The following IBTK variants were observed in gnomAD, a reference collection of about 807,000 sequenced individuals.
IBTK encodes inhibitor of Bruton tyrosine kinase.
Under a neutral mutation model 154.9 loss-of-function variants are expected in IBTK, and 83 were observed. The observed-to-expected ratio is 0.54, with a 90% CI of 0.45 to 0.64. The LOEUF (loss-of-function observed/expected upper bound fraction) is 0.64, where lower values mean the gene tolerates loss of function less well. Among genes scored for constraint, IBTK ranks in the 30% least tolerant of loss-of-function variants. IBTK has a pLI of 0.00. For synonymous variants in IBTK, 515 were observed against 536.1 expected, an observed-to-expected ratio of 0.96 and a Z score of 0.54; for missense variants, 1,332 against 1,584.6, an observed-to-expected ratio of 0.84 and a Z score of 2.71.
intron 16 of IBTK, among the ~76,000 whole-genome samples, chr6:82,210,599 A>G (rs1185846617): frequency 6.6e-6 from 1 of 152,096 alleles, no homozygotes; most frequent in Admixed American, 6.5e-5. Context: ...CCGAGGTGGA[A>G]TAATCCCTTG....
In IBTK at chr6:82,227,311, A is replaced by G; in HGVS notation, c.544-9T>C. 1 of 1,491,904 alleles carries G rather than the reference A, an allele frequency of 6.7e-7. No individual in the cohort carries two copies. Among genetic ancestry groups the G allele is most frequent in the Non-Finnish European group, 9.2e-7 (1 of 1,087,438 alleles). The allele number at this position is 1,491,904 out of a possible 1,614,324, so 92.4% of individuals were successfully genotyped here. A position where few individuals can be genotyped will look rare whatever the true frequency, so the allele number is the denominator to read the frequency against. ...AATTTACAAAGCACCACCTAAGGGA[A>G]AACAAGAGAATATTATTAAACTTCT... On this transcript the variant is annotated splice_polypyrimidine_tract_variant and intron_variant, in intron 4 of 28. Coordinates refer to ENST00000306270, the MANE Select transcript of IBTK (RefSeq NM_015525.4).
chr6:82,229,714 G>A (rs1354869420), intron 4 of IBTK, among the ~76,000 whole-genome samples: 1 of 152,014 alleles, frequency 6.6e-6, no homozygotes, highest in African/African-American at 2.4e-5. Context: ...TAAAGACTTG[G>A]ACACCAAGCT....
Position 82,214,485 on chromosome 6 carries a change from G to A in IBTK, c.1946C>T (p.Pro649Leu). 6.2e-7 allele frequency: 1 copy of A among 1,613,848 alleles called. No individual in the cohort carries two copies. The highest frequency in any genetic ancestry group is 1.3e-5 in the African/African-American group (1 of 74,968). ...TCDFLTHGFK[P>L]RIHLNKNPEE... The stretch of plus-strand genomic sequence containing the variant: ...TGGGTTTTTGTTTAAGTGTATTCTT[G>A]GTTTGAAGCCATGAGTTAAAAAGTC... Residue 649 changes from proline (P) to leucine (L), a missense_variant, in exon 12 of 29, where the codon CCA becomes CTA. By Grantham distance (98) the Pro-to-Leu change is moderately conservative. This residue lies in a region of IBTK where 1,134 missense variants were observed against 1,274.7 expected (regional missense o/e 0.89). Transcript: ENST00000306270.
In IBTK at chr6:82,223,582, C is replaced by T. The variant is rs1429335477; in HGVS notation, c.982G>A (p.Ala328Thr). The T allele has an allele frequency of 6.2e-7, 1 of 1,613,418 alleles. No individual in the cohort carries two copies. Among genetic ancestry groups the T allele is most frequent in the African/African-American group, 1.3e-5 (1 of 75,014 alleles). ...TGAAGGGCAGAGACCTGACGAGGAG[C>T]AGTTACACACTTTTCTCCATTGGGA... ...LDPNGEKCVT[A>T]PRQVSALHHK... The change falls in exon 8 of 29, where the codon GCT (alanine) becomes ACT (threonine). Residue 328 changes from alanine to threonine, a missense_variant. Around this residue, in one of 3 missense-constraint regions of IBTK, gnomAD observed 1,134 missense variants for 1,274.7 expected, o/e 0.89. Coordinates refer to ENST00000306270, the MANE Select transcript of IBTK (RefSeq NM_015525.4).
chr6:82,212,837 A>G (rs762559897), intron 12 of IBTK, 44 bp from the exon 13 acceptor site: 2 of 1,088,890 alleles, frequency 1.8e-6, no homozygotes, highest in South Asian at 1.3e-5. Flanking sequence ...TTCCCCTACA[A>G]AAATAAACAT....
intron 9 of IBTK, 53 bp from the exon 10 acceptor site, chr6:82,218,190 C>T (rs1312293825): frequency 4.6e-6 from 6 of 1,313,602 alleles, no homozygotes; most frequent in East Asian, 2.6e-5. Context: ...ATTTGAACAA[C>T]CAAAACCTTA....
chr6:82,171,339 C>A lies in IBTK; in HGVS notation c.*86G>T. ...TCTTAATCTATTTAGAATGATATTA[C>A]AAAATCTCTAAGACTCTTTTCCACA... On this transcript the variant is annotated 3_prime_UTR_variant, in exon 29 of 29. Transcript: ENST00000306270. The A allele has an allele frequency of 1.8e-6, 2 of 1,125,038 alleles. No homozygotes were observed. Among genetic ancestry groups the A allele is most frequent in the Non-Finnish European group, 2.5e-6 (2 of 786,766 alleles). The allele number at this position is 1,125,038 out of a possible 1,614,324, so 69.7% of individuals were successfully genotyped here.
At position 82,218,043 on chromosome 6, in the gene IBTK, T is replaced by C. The variant is rs761526945; in HGVS notation, c.1343A>G (p.Asn448Ser). The C allele has an allele frequency of 1.9e-6, 3 of 1,611,060 alleles. No homozygotes were observed. Among genetic ancestry groups the C allele is most frequent in the Non-Finnish European group, 2.5e-6 (3 of 1,177,844 alleles). Reference protein sequence around the residue: ...VFISDIALNRNEILFVTQDGE... With the variant: ...VFISDIALNRSEILFVTQDGE... Reference sequence around the variant, plus strand: ...ATCTTGCGTAACAAATAGAATTTCATTTCTATTTAAAGCAATATCAGAAAT... The same window carrying C: ...ATCTTGCGTAACAAATAGAATTTCACTTCTATTTAAAGCAATATCAGAAAT... Residue 448 changes from asparagine (N) to serine (S), a missense_variant, in exon 10 of 29, where the codon AAT becomes AGT. Asn to Ser is a conservative substitution (Grantham distance 46). Around this residue, in one of 3 missense-constraint regions of IBTK, gnomAD observed 1,134 missense variants for 1,274.7 expected, o/e 0.89. Transcript: ENST00000306270.
In IBTK at chr6:82,202,557, T is replaced by C. The variant is rs910803853; in HGVS notation, c.2700A>G (p.Gly900=). Residue 900 remains glycine (G), a synonymous_variant, in exon 18 of 29, where the codon GGA becomes GGG. Coordinates refer to ENST00000306270, the MANE Select transcript of IBTK (RefSeq NM_015525.4). ...CTTCAAGTAAAGCTGCCATATTCAA[T>C]CCTATAAACTGTAAACAAGACAGTT... ...QLKLSCLQFI[G]LNMAALLEAR... 3.7e-6 allele frequency: 6 copies of C among 1,608,168 alleles called. No homozygotes were observed. In the African/African-American group the frequency reaches 8.0e-5, roughly 22 times the overall value.
intron 1 of IBTK, among the ~76,000 whole-genome samples, chr6:82,245,606 G>A (rs1347488110): frequency 6.6e-6 from 1 of 151,984 alleles, no homozygotes. Flanking sequence ...CTGGGTGAGA[G>A]CACATTTGAA....
intron 26 of IBTK, among the ~76,000 whole-genome samples, chr6:82,179,937 C>T (rs1768250430): frequency 6.6e-6 from 1 of 151,608 alleles, no homozygotes. Flanking sequence ...GATAAAAGCA[C>T]AGGTATTGGC....
chr6:82,230,064 G>C (rs538845779), intron 4 of IBTK, among the ~76,000 whole-genome samples: 1 of 152,150 alleles, frequency 6.6e-6, no homozygotes, highest in South Asian at 2.1e-4. Flanking sequence ...AATTACACTA[G>C]GAAAATAATC....
At chr6:82,204,986 C>T (rs1353446848) in intron 16 of IBTK, 28 bp from the exon 17 acceptor site, 3 of 1,461,708 alleles carry the variant, frequency 2.1e-6, no homozygotes, top group Admixed American at 1.9e-5. Flanking sequence ...ACAAGCATCA[C>T]TTTTTCTTTG....
chr6:82,216,711 A>G (rs1373411257), intron 10 of IBTK, among the ~76,000 whole-genome samples: 2 of 152,106 alleles, frequency 1.3e-5, no homozygotes, highest in Non-Finnish European at 2.9e-5. Flanking sequence ...TTCAGAAAAT[A>G]TGTGCGTAAC....
chr6:82,201,317 T>C, intron 19 of IBTK, 105 bp downstream of exon 19: 1 of 622,940 alleles, frequency 1.6e-6, no homozygotes, highest in Non-Finnish European at 2.6e-6. Flanking sequence ...AAGATCCTAA[T>C]GTACTAGAAG....
chr6:82,210,412 TTTA>T (rs1562090616), intron 16 of IBTK: 1 of 152,210 alleles, frequency 6.6e-6, no homozygotes. Flanking sequence ...TCATTCCAGT[TTTA>T]GTATACTTGC....
intron 4 of IBTK, among the ~76,000 whole-genome samples, chr6:82,230,599 C>T (rs1770468950): frequency 6.6e-6 from 1 of 152,114 alleles, no homozygotes; most frequent in Non-Finnish European, 1.5e-5. Context: ...GAGGTATCAT[C>T]TTCAGGATTT....
chr6:82,236,811 A>G (rs1343035445), intron 2 of IBTK, among the ~76,000 whole-genome samples: 1 of 152,224 alleles, frequency 6.6e-6, no homozygotes, highest in African/African-American at 2.4e-5. Context: ...CACCCCTTCC[A>G]ATTAAAGAAG....
At chr6:82,209,254 G>A (rs1361977747) in intron 16 of IBTK, among the ~76,000 whole-genome samples, 1 of 151,956 alleles carries the variant, frequency 6.6e-6, no homozygotes, top group Admixed American at 6.6e-5. Context: ...ATAGGCCCAC[G>A]CAAAAACTTA....
Sources: allele counts gnomAD v4.1 joint callset (sites outside exome capture counted in the v4.1 genomes callset), GRCh38; gene constraint gnomAD v4.1.1; regional missense constraint gnomAD v4.1.1; transcripts MANE v1.5; gene names NCBI Gene and HGNC (gene_info 2026-07-23, HGNC 2026-07-21).